The following ABHD2 variants were observed in gnomAD, a reference collection of about 807,000 sequenced individuals.
ABHD2 encodes monoacylglycerol lipase ABHD2.
A neutral mutation model predicts 48.1 loss-of-function variants in ABHD2; 20 were observed. The ratio of observed to expected loss-of-function variants is 0.42; its 90% CI spans 0.29 to 0.60. The LOEUF is 0.60. Ranked by LOEUF, ABHD2 falls within the 20% of genes least tolerant of loss-of-function variation. The pLI, the probability that ABHD2 is intolerant of heterozygous loss-of-function variation, is 0.24. For synonymous variants in ABHD2, 209 were observed against 214.2 expected, an observed-to-expected ratio of 0.98 and a Z score of 0.21; for missense variants, 405 against 550.9, an observed-to-expected ratio of 0.74 and a Z score of 2.65.
intron 3 of ABHD2, among the ~76,000 whole-genome samples, chr15:89,143,612 A>G (rs1020369631): frequency 6.6e-6 from 1 of 152,056 alleles, no homozygotes; most frequent in Non-Finnish European, 1.5e-5. Context: ...GGTTGCAGTG[A>G]GCCGAAATTG....
the ABHD2 span, among the ~76,000 whole-genome samples, chr15:89,077,186 A>C: frequency 6.6e-6 from 1 of 152,186 alleles, no homozygotes; most frequent in African/African-American, 2.4e-5. Flanking sequence ...AGGTCAGGTG[A>C]CTTTTTCACA....
chr15:89,193,164 T>C, intron 9 of ABHD2, 71 bp from the exon 10 acceptor site: 1 of 1,463,556 alleles, frequency 6.8e-7, no homozygotes, highest in South Asian at 1.1e-5. Context: ...AGCAGTGAGT[T>C]TGAGCCTTGA....
At chr15:89,136,330 G>A (rs2150857258) in intron 3 of ABHD2, 1 of 503,246 alleles carries the variant, frequency 2.0e-6, no homozygotes, top group South Asian at 1.5e-5. Flanking sequence ...TTTCCTTTCT[G>A]TTTAGTAGGC....
the ABHD2 span, among the ~76,000 whole-genome samples, chr15:89,062,073 C>A: frequency 6.6e-6 from 1 of 152,052 alleles, no homozygotes; most frequent in Non-Finnish European, 1.5e-5. Flanking sequence ...AAGGTTTAAG[C>A]TCACGGCTAC....
intron 3 of ABHD2, among the ~76,000 whole-genome samples, chr15:89,142,015 C>T (rs1260357515): frequency 6.6e-6 from 1 of 152,236 alleles, no homozygotes; most frequent in Admixed American, 6.5e-5. Flanking sequence ...CTAATAGACT[C>T]ATAGGAGTCT....
At chr15:89,093,338 C>T (rs1901676750) in intron 1 of ABHD2, among the ~76,000 whole-genome samples, 1 of 151,894 alleles carries the variant, frequency 6.6e-6, no homozygotes, top group Non-Finnish European at 1.5e-5. Context: ...ACGCCACCAC[C>T]CCCAGCTAAT....
In ABHD2 at chr15:89,102,904, G is replaced by C. The variant is rs1004728133; in HGVS notation, c.-106-10821G>C. ...AGGGGTGGCAGGTGGGATTGCCCTTGGGCTTTAAAGAAGGCTGAGAAAACT... is the reference window on the plus strand; with the variant it reads ...AGGGGTGGCAGGTGGGATTGCCCTTCGGCTTTAAAGAAGGCTGAGAAAACT... On this transcript the variant is annotated intron_variant, in intron 1 of 10. Transcript: ENST00000352732. This position sits in a 1 kb window ranked among gnomAD's most constrained non-coding sequence, Gnocchi z 4.8. Among the ~76,000 whole-genome samples the C allele has an allele frequency of 6.6e-6, 1 of 152,234 alleles. No individual in the cohort carries two copies. The highest frequency in any genetic ancestry group is 1.5e-5 in the Non-Finnish European group (1 of 68,034).
chr15:89,108,369 C>T (rs1327869095), intron 1 of ABHD2, among the ~76,000 whole-genome samples: 32 of 152,228 alleles, frequency 2.1e-4, no homozygotes, highest in Non-Finnish European at 5.9e-5. Flanking sequence ...GTGGCCTCCT[C>T]CCCTCTGTAT....
intron 6 of ABHD2, among the ~76,000 whole-genome samples, chr15:89,178,118 T>G (rs2051046772): frequency 6.6e-6 from 1 of 152,190 alleles, no homozygotes; most frequent in African/African-American, 2.4e-5. Context: ...ACCAACCTCA[T>G]GCAACAAAGA....
At chr15:89,191,239 G>C in intron 9 of ABHD2, 90 bp downstream of exon 9, 1 of 1,326,576 alleles carries the variant, frequency 7.5e-7, no homozygotes, top group Non-Finnish European at 1.1e-6. Context: ...TTTCCTGGTG[G>C]AAGCTCAGCT....
At chr15:89,068,754 C>CTTTTTTTTTTTTTT in the ABHD2 span, among the ~76,000 whole-genome samples, 49 of 71,388 alleles carry the variant, frequency 6.9e-4, 9 homozygotes, top group Middle Eastern at 0.025. Flanking sequence ...CAAGCTTCCT[C>CTTTTTTTTTTTTTT]TTTTTTTTTT....
At chr15:89,070,974 G>A in the ABHD2 span, among the ~76,000 whole-genome samples, 1 of 151,912 alleles carries the variant, frequency 6.6e-6, no homozygotes, top group Non-Finnish European at 1.5e-5. Flanking sequence ...CCTTCCTGAA[G>A]TGTGCCCCCC....
chr15:89,173,526 T>C lies in ABHD2; in HGVS notation c.539-2286T>C, dbSNP rs533495141. ...AGGCAGAGGTTGTAGTGAGCCAAGA[T>C]TGTGCCACTGCACTCCAGCCTGGGT... On this transcript the variant is annotated intron_variant, in intron 5 of 10. Coordinates refer to ENST00000352732, the MANE Select transcript of ABHD2 (RefSeq NM_152924.5). This position sits in a 1 kb window ranked among gnomAD's most constrained non-coding sequence, Gnocchi z 6.5. 6.6e-6 allele frequency among the ~76,000 whole-genome samples: 1 copy of C among 152,346 alleles called. No homozygotes were observed. The highest frequency in any genetic ancestry group is 1.9e-4 in the East Asian group (1 of 5,186).
At chr15:89,136,100 T>C (rs1297150136) in intron 3 of ABHD2, 2 of 198,154 alleles carry the variant, frequency 1.0e-5, no homozygotes, top group African/African-American at 4.8e-5. Context: ...CAATTTTTTT[T>C]TTTTTTTCAG....
At position 89,146,449 on chromosome 15, in the gene ABHD2, C is replaced by T. The variant is rs1567089944; in HGVS notation, c.195-5228C>T. Among the ~76,000 whole-genome samples the T allele has an allele frequency of 6.6e-6, 1 of 151,496 alleles. No homozygotes were observed. The highest frequency in any genetic ancestry group is 1.5e-5 in the Non-Finnish European group (1 of 67,948). On this transcript the variant is annotated intron_variant, in intron 3 of 10. Transcript: ENST00000352732. The surrounding 1 kb of genome is among the most constrained non-coding windows in gnomAD (Gnocchi z 4.2). Reference sequence around the variant, plus strand: ...GGAGATCCAGACCCTTGTGGTCTTTCCCACTGACCAATTCTCTTAGTAAGC... The same window carrying T: ...GGAGATCCAGACCCTTGTGGTCTTTTCCACTGACCAATTCTCTTAGTAAGC...
chr15:89,130,400 G>T (rs763092805), intron 3 of ABHD2, among the ~76,000 whole-genome samples: 5 of 152,146 alleles, frequency 3.3e-5, no homozygotes, highest in Admixed American at 6.5e-5. Flanking sequence ...GGCTCTTACA[G>T]GCTGCTACCG....
At chr15:89,157,704 G>T (rs1348142882) in intron 5 of ABHD2, among the ~76,000 whole-genome samples, 1 of 151,994 alleles carries the variant, frequency 6.6e-6, no homozygotes, top group African/African-American at 2.4e-5. Context: ...GTAGCCGGGC[G>T]TGGTGGCGGG....
Position 89,127,706 on chromosome 15 carries a change from C to CATATATAT in ABHD2, c.194+11191_194+11198dup, listed in dbSNP as rs71464446. Among the ~76,000 whole-genome samples, 476 of 129,772 alleles carry CATATATAT rather than the reference C, an allele frequency of 3.7e-3. 21 individuals carry two copies. The highest frequency in any genetic ancestry group is 0.015 in the African/African-American group (431 of 27,830). The allele number at this position is 129,772 out of a possible 152,430, so 85.1% of individuals were successfully genotyped here. A position where few individuals can be genotyped will look rare whatever the true frequency, so the allele number is the denominator to read the frequency against. Reference sequence around the variant, plus strand: ...TCTTCTCAGTGAATATATATATATACATATATATATATACACATATATATA... The same window carrying CATATATAT: ...TCTTCTCAGTGAATATATATATATACATATATATATATATATATATACACATATATATA... On this transcript the variant is annotated intron_variant, in intron 3 of 10. Coordinates refer to ENST00000352732, the MANE Select transcript of ABHD2 (RefSeq NM_152924.5).
intron 1 of ABHD2, among the ~76,000 whole-genome samples, chr15:89,111,748 A>G (rs1217981938): frequency 6.6e-6 from 1 of 152,198 alleles, no homozygotes; most frequent in Non-Finnish European, 1.5e-5. Context: ...AGTCTTATAC[A>G]TTTCCATATC....
Sources: allele counts gnomAD v4.1 joint callset (sites outside exome capture counted in the v4.1 genomes callset), GRCh38; gene constraint gnomAD v4.1.1; non-coding constraint Gnocchi (gnomAD v3.1); transcripts MANE v1.5; gene names NCBI Gene and HGNC (gene_info 2026-07-23, HGNC 2026-07-21).